Variants in SOBP observed in about 807,000 individuals in gnomAD.
The protein encoded by SOBP is sine oculis-binding protein homolog.
SOBP carries 4 observed loss-of-function variants against 53.6 expected under a neutral mutation model. The observed-to-expected ratio is 0.07, with a 90% CI of 0.04 to 0.17. The LOEUF (loss-of-function observed/expected upper bound fraction) is 0.17. Among genes scored for constraint, SOBP ranks in the 10% least tolerant of loss-of-function variants. The pLI is 1.00. For missense variants in SOBP, 1,088 were observed against 1,204.7 expected (o/e 0.90, Z 1.43); for synonymous variants, 584 against 522.6 (o/e 1.12, Z -1.60).
At position 107,490,676 on chromosome 6, in the gene SOBP, T is replaced by C; in HGVS notation, c.60T>C (p.Ala20=). 6.2e-7 allele frequency: 1 copy of C among 1,607,972 alleles called. No individual in the cohort carries two copies. The highest frequency in any genetic ancestry group is 1.7e-5 in the Admixed American group (1 of 59,322). The change falls in exon 1 of 7, where the codon GCT becomes GCC. Residue 20 remains alanine (A), a synonymous_variant. Coordinates refer to ENST00000317357, the MANE Select transcript of SOBP (RefSeq NM_018013.4). Reference sequence around the variant, plus strand: ...AAAATAAACGGAGCAGGAAGCCGGCTCACCCAGTGAAAAGGGAGATCAATG... The same window carrying C: ...AAAATAAACGGAGCAGGAAGCCGGCCCACCCAGTGAAAAGGGAGATCAATG... The part of the protein sequence containing the change: ...PPENKRSRKP[A]HPVKREINEE...
At chr6:107,576,472 AC>A in intron 4 of SOBP, among the ~76,000 whole-genome samples, 1 of 152,340 alleles carries the variant, frequency 6.6e-6, no homozygotes, top group Non-Finnish European at 1.5e-5. Flanking sequence ...CAGAGCAGTG[AC>A]CAGGGTGGGA....
chr6:107,589,071 A>G (rs1408378430), intron 5 of SOBP, among the ~76,000 whole-genome samples: 1 of 152,226 alleles, frequency 6.6e-6, no homozygotes, highest in African/African-American at 2.4e-5. Flanking sequence ...AAGAAATAGG[A>G]AATCCTTGGA....
intron 5 of SOBP, among the ~76,000 whole-genome samples, chr6:107,603,292 G>C (rs1375897753): frequency 6.6e-6 from 1 of 152,200 alleles, no homozygotes; most frequent in East Asian, 1.9e-4. Flanking sequence ...CCTGAATGGA[G>C]AATGGGTGTC....
At chr6:107,564,627 A>G (rs1306823352) in intron 4 of SOBP, among the ~76,000 whole-genome samples, 5 of 124,164 alleles carry the variant, frequency 4.0e-5, no homozygotes, top group East Asian at 2.0e-4. Flanking sequence ...TACTGTCACT[A>G]GAATATTTCA....
intron 4 of SOBP, among the ~76,000 whole-genome samples, chr6:107,542,098 T>C (rs1784164950): frequency 6.6e-6 from 1 of 152,144 alleles, no homozygotes; most frequent in Non-Finnish European, 1.5e-5. Flanking sequence ...ATAGATGATA[T>C]ATACAGGCTT....
At chr6:107,613,689 A>G (rs1786679617) in intron 5 of SOBP, among the ~76,000 whole-genome samples, 1 of 152,264 alleles carries the variant, frequency 6.6e-6, no homozygotes, top group Non-Finnish European at 1.5e-5. Flanking sequence ...CTTCATGTTC[A>G]GAAAGGTTAA....
At chr6:107,639,163 A>G (rs1771197743) in intron 6 of SOBP, among the ~76,000 whole-genome samples, 1 of 152,178 alleles carries the variant, frequency 6.6e-6, no homozygotes, top group Non-Finnish European at 1.5e-5. Context: ...TTGGTCTCCC[A>G]AAGTGTTGGG....
chr6:107,650,251 C>T (rs1269083495), intron 6 of SOBP, among the ~76,000 whole-genome samples: 4 of 152,170 alleles, frequency 2.6e-5, no homozygotes, highest in African/African-American at 9.7e-5. Flanking sequence ...CGATTCAGAC[C>T]AGAGCCTAAC....
At chr6:107,600,305 A>G (rs1004660911) in intron 5 of SOBP, among the ~76,000 whole-genome samples, 4 of 152,186 alleles carry the variant, frequency 2.6e-5, no homozygotes, top group Non-Finnish European at 4.4e-5. Context: ...GCGCCTGGTC[A>G]AGGCTGCAGT....
intron 5 of SOBP, among the ~76,000 whole-genome samples, chr6:107,622,844 AATAC>A (rs1411822254): frequency 1.3e-5 from 2 of 152,272 alleles, no homozygotes; most frequent in African/African-American, 4.8e-5. Context: ...ACATTTAAAA[AATAC>A]ATTAATTAGC....
At chr6:107,553,979 C>G (rs1392810527) in intron 4 of SOBP, among the ~76,000 whole-genome samples, 1 of 152,182 alleles carries the variant, frequency 6.6e-6, no homozygotes, top group Non-Finnish European at 1.5e-5. Context: ...AAGGTTTCTT[C>G]CCTTAAGCCA....
chr6:107,582,508 A>G (rs563981071), intron 4 of SOBP, among the ~76,000 whole-genome samples: 2 of 152,280 alleles, frequency 1.3e-5, no homozygotes, highest in East Asian at 3.9e-4. Context: ...CAAAACAGGG[A>G]AATCCGCTTG....
At position 107,635,237 on chromosome 6, in the gene SOBP, G is replaced by C; in HGVS notation, c.2393G>C (p.Gly798Ala). The C allele has an allele frequency of 1.2e-6, 2 of 1,613,896 alleles. No individual in the cohort carries two copies. The highest frequency in any genetic ancestry group is 1.7e-6 in the Non-Finnish European group (2 of 1,179,986). ...CTGATGGGCGAGGAGGCCCTGGCGG[G>C]GGGCGACAAGTCAGACCCGAACCTT... ...KKLMGEEALA[G>A]GDKSDPNLNN... The change falls in exon 6 of 7, where the codon GGG becomes GCG. Residue 798 changes from glycine to alanine, a missense_variant. Transcript: ENST00000317357. The surrounding 1 kb of genome is among the most constrained non-coding windows in gnomAD (Gnocchi z 4.5).
intron 3 of SOBP, among the ~76,000 whole-genome samples, chr6:107,526,508 C>T (rs528051082): frequency 1.4e-4 from 21 of 152,262 alleles, no homozygotes; most frequent in Admixed American, 1.3e-4. Flanking sequence ...TTAACTTCCC[C>T]GCCTTCCAAA....
intron 5 of SOBP, among the ~76,000 whole-genome samples, chr6:107,606,070 C>CTTTTTTTTTTTTTTTTTTTTTTTTT (rs11298151): frequency 1.6e-5 from 1 of 62,858 alleles, no homozygotes; most frequent in Non-Finnish European, 3.1e-5. Flanking sequence ...AGATAGGCTC[C>CTTTTTTTTTTTTTTTTTTTTTTTTT]TTTTTTTTTT....
chr6:107,628,158 T>C (rs1770545086), intron 5 of SOBP, among the ~76,000 whole-genome samples: 1 of 152,256 alleles, frequency 6.6e-6, no homozygotes, highest in South Asian at 2.1e-4. Flanking sequence ...TTCATTTTAA[T>C]GGTTCTAACG....
At chr6:107,623,869 G>A (rs1016137368) in intron 5 of SOBP, among the ~76,000 whole-genome samples, 1 of 152,192 alleles carries the variant, frequency 6.6e-6, no homozygotes, top group African/African-American at 2.4e-5. Context: ...TGAAGTTCTG[G>A]ATCTGAATCC....
intron 4 of SOBP, among the ~76,000 whole-genome samples, chr6:107,553,970 A>G (rs1432255893): frequency 6.6e-6 from 1 of 152,198 alleles, no homozygotes; most frequent in African/African-American, 2.4e-5. Flanking sequence ...TCTACAAACA[A>G]GGTTTCTTCC....
At chr6:107,631,335 A>G (rs992714548) in intron 5 of SOBP, among the ~76,000 whole-genome samples, 11 of 152,332 alleles carry the variant, frequency 7.2e-5, no homozygotes, top group Admixed American at 2.6e-4. Flanking sequence ...TCAAGCTTGT[A>G]AATTTGCACT....
Sources: allele counts gnomAD v4.1 joint callset (sites outside exome capture counted in the v4.1 genomes callset), GRCh38; gene constraint gnomAD v4.1.1; non-coding constraint Gnocchi (gnomAD v3.1); transcripts MANE v1.5; gene names NCBI Gene and HGNC (gene_info 2026-07-23, HGNC 2026-07-21).